BAIAP2: variants seen among roughly 807,000 people sequenced by gnomAD.
The protein encoded by BAIAP2 is BAR/IMD domain containing adaptor protein 2, also known as BAR/IMD domain-containing adapter protein 2.
Under a neutral mutation model 63.0 loss-of-function variants are expected in BAIAP2, and 18 were observed. The ratio of observed to expected loss-of-function variants is 0.29; its 90% CI spans 0.20 to 0.42. BAIAP2 has a LOEUF of 0.42. Among genes scored for constraint, BAIAP2 ranks in the 10% least tolerant of loss-of-function variants. The pLI is 1.00. For missense variants in BAIAP2, 610 were observed against 734.3 expected (o/e 0.83, Z 1.96); for synonymous variants, 386 against 307.6 (o/e 1.25, Z -2.67).
chr17:81,089,915 C>T (rs1442659433), intron 6 of BAIAP2, among the ~76,000 whole-genome samples: 1 of 152,144 alleles, frequency 6.6e-6, no homozygotes, highest in East Asian at 1.9e-4. Flanking sequence ...CCACCCGGTA[C>T]AGAGACGCTT....
At chr17:81,068,912 T>G (rs184891563) in intron 3 of BAIAP2, among the ~76,000 whole-genome samples, 1 of 152,146 alleles carries the variant, frequency 6.6e-6, no homozygotes, top group Non-Finnish European at 1.5e-5. Context: ...TGCTCCTGTG[T>G]GCCCGCTGCC....
chr17:81,108,338 G>GA, intron 12 of BAIAP2, 137 bp from the exon 13 acceptor site: 1 of 916,256 alleles, frequency 1.1e-6, no homozygotes. Context: ...GCAGCCAGGA[G>GA]ATGGGGAGCC....
At chr17:81,104,835 C>T (rs1392497850) in intron 10 of BAIAP2, 120 bp downstream of exon 10, 6 of 1,100,796 alleles carry the variant, frequency 5.5e-6, no homozygotes, top group African/African-American at 1.6e-5. Context: ...TGCGGGTCCT[C>T]GCCGTAGAAG....
At chr17:81,057,562 A>G in intron 2 of BAIAP2, 1 of 957,048 alleles carries the variant, frequency 1.0e-6, no homozygotes, top group Non-Finnish European at 1.3e-6. Context: ...AGTTAGTACA[A>G]CACTCCCTCC....
In BAIAP2 at chr17:81,110,204, G is replaced by C. The variant is rs1022903995; in HGVS notation, c.1535+1695G>C. 7.1e-6 allele frequency: 7 copies of C among 985,604 alleles called. No homozygotes were observed. In the Admixed American group the frequency reaches 4.3e-4, roughly 61 times the overall value. 61.1% of individuals were successfully genotyped at this position (985,604 alleles called of 1,614,324 possible). Reference sequence around the variant, plus strand: ...CCTCCCACACACCTCCCCGTGGCCTGGGACGTGGCTGGTAGTGTTTGTGTG... The same window carrying C: ...CCTCCCACACACCTCCCCGTGGCCTCGGACGTGGCTGGTAGTGTTTGTGTG... On this transcript the variant is annotated intron_variant, in intron 13 of 13. Coordinates refer to ENST00000428708, the MANE Select transcript of BAIAP2 (RefSeq NM_001144888.2).
chr17:81,049,593 T>C lies in BAIAP2; in HGVS notation c.55-4075T>C, dbSNP rs375887392. On this transcript the variant is annotated intron_variant, in intron 1 of 13. Transcript: ENST00000428708. ...GGGCGTCTGGGCGTCTGAGCTCAGC[T>C]CCTTCCTGGTGGCATCCTGCAAAAA... Among the ~76,000 whole-genome samples the C allele has an allele frequency of 1.2e-3, 181 of 152,334 alleles. 1 individual carries two copies. The highest frequency in any genetic ancestry group is 4.2e-3 in the African/African-American group (175 of 41,572).
At chr17:81,050,680 G>A (rs1346309499) in intron 1 of BAIAP2, among the ~76,000 whole-genome samples, 3 of 150,116 alleles carry the variant, frequency 2.0e-5, no homozygotes, top group Non-Finnish European at 3.0e-5. Flanking sequence ...GTCACACAGG[G>A]TGAGAAACAT....
chr17:81,044,088 T>A (rs1457646842), intron 1 of BAIAP2, among the ~76,000 whole-genome samples: 1 of 152,190 alleles, frequency 6.6e-6, no homozygotes, highest in East Asian at 1.9e-4. Context: ...TGTTCCTGAG[T>A]GTGGCCACAG....
At chr17:81,104,401 C>T (rs1463876684) in intron 9 of BAIAP2, 113 bp from the exon 10 acceptor site, 11 of 1,224,936 alleles carry the variant, frequency 9.0e-6, no homozygotes, top group Non-Finnish European at 1.2e-5. Flanking sequence ...AGCCAGCCCA[C>T]TTACCCACCT....
At chr17:81,050,718 C>T (rs112145291) in intron 1 of BAIAP2, among the ~76,000 whole-genome samples, 4,548 of 80,582 alleles carry the variant, frequency 0.056, 227 homozygotes, top group African/African-American at 0.18. Context: ...AGCACACACA[C>T]GCACACAAAT....
intron 1 of BAIAP2, among the ~76,000 whole-genome samples, chr17:81,035,523 G>GC (rs1019128152): frequency 2.0e-5 from 3 of 148,998 alleles, no homozygotes; most frequent in Non-Finnish European, 4.5e-5. Context: ...CCCCGCCCGG[G>GC]CCCCCCCATC....
intron 3 of BAIAP2, among the ~76,000 whole-genome samples, chr17:81,074,460 G>T (rs980894674): frequency 6.6e-6 from 1 of 151,918 alleles, no homozygotes; most frequent in African/African-American, 2.4e-5. Flanking sequence ...GAGTGCCAGT[G>T]TGTGTGCATG....
intron 7 of BAIAP2, among the ~76,000 whole-genome samples, chr17:81,101,434 T>C (rs2058468716): frequency 6.6e-6 from 1 of 151,914 alleles, no homozygotes. Context: ...AGTCCATGGG[T>C]AGGAGTTGGG....
chr17:81,045,905 T>C (rs1353365916), intron 1 of BAIAP2, among the ~76,000 whole-genome samples: 1 of 152,140 alleles, frequency 6.6e-6, no homozygotes, highest in African/African-American at 2.4e-5. Flanking sequence ...CAGCCCCCTC[T>C]GTTGTGGAAC....
Position 81,115,968 on chromosome 17 carries a change from G to C in BAIAP2, c.*129G>C, listed in dbSNP as rs559521800. The C allele has an allele frequency of 6.6e-7, 1 of 1,511,686 alleles. No homozygotes were observed. Among genetic ancestry groups the C allele is most frequent in the African/African-American group, 1.4e-5 (1 of 72,912 alleles). The allele number at this position is 1,511,686 out of a possible 1,614,324, so 93.6% of individuals were successfully genotyped here. A position where few individuals can be genotyped will look rare whatever the true frequency, so the allele number is the denominator to read the frequency against. On this transcript the variant is annotated 3_prime_UTR_variant, in exon 14 of 14. Coordinates refer to ENST00000428708, the MANE Select transcript of BAIAP2 (RefSeq NM_001144888.2). ...CCGGCTGCCTGGTCTTGCCCCACTTGAGTCTGGCCTGGACTGGATCCCAGC... is the reference window on the plus strand; with the variant it reads ...CCGGCTGCCTGGTCTTGCCCCACTTCAGTCTGGCCTGGACTGGATCCCAGC...
At chr17:81,106,536 T>G (rs2059202077) in intron 11 of BAIAP2, among the ~76,000 whole-genome samples, 1 of 151,566 alleles carries the variant, frequency 6.6e-6, no homozygotes. Flanking sequence ...CCCTCTGGAG[T>G]CCTCCCGGCT....
At chr17:81,109,535 G>T (rs2059643362) in intron 13 of BAIAP2, 26 of 985,498 alleles carry the variant, frequency 2.6e-5, no homozygotes, top group Non-Finnish European at 3.0e-5. Context: ...AAGGTGCTGG[G>T]GTCCCTGGCC....
At chr17:81,085,421 G>C (rs1264992135) in intron 4 of BAIAP2, 1 of 672,156 alleles carries the variant, frequency 1.5e-6, no homozygotes, top group South Asian at 1.6e-5. Flanking sequence ...CCTTGTGGCT[G>C]TTTGGAGGCG....
chr17:81,113,171 G>T (rs1308807931), intron 13 of BAIAP2, among the ~76,000 whole-genome samples: 1 of 152,232 alleles, frequency 6.6e-6, no homozygotes, highest in African/African-American at 2.4e-5. Flanking sequence ...TCTGCATTCT[G>T]AGGCCAGCGC....
Sources: allele counts gnomAD v4.1 joint callset (sites outside exome capture counted in the v4.1 genomes callset), GRCh38; gene constraint gnomAD v4.1.1; transcripts MANE v1.5; gene names NCBI Gene and HGNC (gene_info 2026-07-23, HGNC 2026-07-21).